Variants in GABRG3 observed in about 807,000 individuals in gnomAD.
GABRG3 encodes gamma-aminobutyric acid type A receptor subunit gamma3.
Under a neutral mutation model 48.8 loss-of-function variants are expected in GABRG3, and 25 were observed. The ratio of observed to expected loss-of-function variants is 0.51; its 90% confidence interval spans 0.37 to 0.72. The LOEUF (loss-of-function observed/expected upper bound fraction) is 0.72, where lower values mean the gene tolerates loss of function less well. Ranked by LOEUF, GABRG3 falls within the 30% of genes least tolerant of loss-of-function variation. GABRG3 has a pLI of 0.00. For missense variants in GABRG3, 394 were observed against 577.9 expected, an observed-to-expected ratio of 0.68 and a Z score of 3.26; for synonymous variants, 227 against 217.6, an observed-to-expected ratio of 1.04 and a Z score of -0.38.
intron 3 of GABRG3, among the ~76,000 whole-genome samples, chr15:27,160,292 A>T (rs561029390): frequency 6.6e-6 from 1 of 152,228 alleles, no homozygotes; most frequent in East Asian, 1.9e-4. Context: ...GGTCAGTCTG[A>T]TTGTGAGCTG....
At chr15:27,456,570 A>AGAAT in intron 5 of GABRG3, among the ~76,000 whole-genome samples, 1 of 152,224 alleles carries the variant, frequency 6.6e-6, no homozygotes, top group Non-Finnish European at 1.5e-5. Context: ...CAGTGGGTCG[A>AGAAT]GAATGCAGAG....
At chr15:27,004,483 G>A (rs981387107) in intron 2 of GABRG3, among the ~76,000 whole-genome samples, 1 of 150,366 alleles carries the variant, frequency 6.7e-6, no homozygotes, top group Non-Finnish European at 1.5e-5. Context: ...CAGGCAGAGG[G>A]GCTCCTCACA....
chr15:27,411,955 T>C (rs957710571), intron 5 of GABRG3, among the ~76,000 whole-genome samples: 3 of 152,146 alleles, frequency 2.0e-5, no homozygotes, highest in African/African-American at 7.2e-5. Flanking sequence ...CCAATGCTCT[T>C]TCTTTCTTTA....
At chr15:27,512,131 C>G (rs1427513900) in intron 6 of GABRG3, among the ~76,000 whole-genome samples, 1 of 152,072 alleles carries the variant, frequency 6.6e-6, no homozygotes, top group Non-Finnish European at 1.5e-5. Context: ...GATTTGACCC[C>G]TATTTTAAAA....
At chr15:27,399,554 C>T (rs1474131662) in intron 5 of GABRG3, among the ~76,000 whole-genome samples, 1 of 152,176 alleles carries the variant, frequency 6.6e-6, no homozygotes, top group Non-Finnish European at 1.5e-5. Context: ...TATCAAAAGG[C>T]ACAAGCTTAA....
intron 3 of GABRG3, among the ~76,000 whole-genome samples, chr15:27,129,170 CT>C (rs1383635095): frequency 6.6e-6 from 1 of 152,134 alleles, no homozygotes; most frequent in East Asian, 1.9e-4. Flanking sequence ...AAATTTTCAT[CT>C]TCTAAAACTG....
At chr15:27,040,829 G>A (rs1896264186) in intron 3 of GABRG3, among the ~76,000 whole-genome samples, 1 of 152,194 alleles carries the variant, frequency 6.6e-6, no homozygotes, top group Admixed American at 6.5e-5. Flanking sequence ...GCATTGGAAA[G>A]GAATTTACAT....
At chr15:27,111,151 A>G (rs1897541349) in intron 3 of GABRG3, among the ~76,000 whole-genome samples, 2 of 151,938 alleles carry the variant, frequency 1.3e-5, no homozygotes, top group South Asian at 4.2e-4. Context: ...ATGTTCAGTG[A>G]TTCTTTCCTC....
chr15:27,408,361 C>T (rs1029229949), intron 5 of GABRG3, among the ~76,000 whole-genome samples: 3 of 152,128 alleles, frequency 2.0e-5, no homozygotes, highest in African/African-American at 4.8e-5. Flanking sequence ...TAGTTGAGAA[C>T]ACTGTTTCCA....
chr15:27,385,750 G>A (rs1895903279), intron 5 of GABRG3, among the ~76,000 whole-genome samples: 1 of 152,078 alleles, frequency 6.6e-6, no homozygotes, highest in South Asian at 2.1e-4. Flanking sequence ...TATATTGACA[G>A]TCTCTATCTG....
rs143402992 is a variant in GABRG3, at chr15:27,535,969, A to G, written c.*3088A>G. On this transcript the variant is annotated 3_prime_UTR_variant, in exon 10 of 10. Coordinates refer to ENST00000615808, the MANE Select transcript of GABRG3 (RefSeq NM_033223.5). The stretch of plus-strand genomic sequence containing the variant: ...ACAGCTAAGCCCCAGCTTGCTTTGC[A>G]TGCAGAATTGGGAAATATTTGGGGT... 6.6e-6 allele frequency: 1 copy of G among 152,300 alleles called. No homozygotes were observed. Among genetic ancestry groups the G allele is most frequent in the Non-Finnish European group, 1.5e-5 (1 of 68,096 alleles). 9.4% of individuals were successfully genotyped at this position (152,300 alleles called of 1,614,324 possible).
intron 3 of GABRG3, among the ~76,000 whole-genome samples, chr15:27,256,160 G>A (rs763968880): frequency 6.6e-6 from 1 of 152,068 alleles, no homozygotes; most frequent in Non-Finnish European, 1.5e-5. Context: ...AAGGACAGAG[G>A]GGCCGGGTGT....
chr15:27,109,974 C>T (rs928825979), intron 3 of GABRG3, among the ~76,000 whole-genome samples: 6 of 152,118 alleles, frequency 3.9e-5, no homozygotes, highest in African/African-American at 1.4e-4. Context: ...TTTATATCCA[C>T]TTTGTCTATC....
chr15:27,343,395 A>G (rs1459246349), intron 5 of GABRG3, among the ~76,000 whole-genome samples: 2 of 152,252 alleles, frequency 1.3e-5, no homozygotes, highest in African/African-American at 4.8e-5. Context: ...GGACTGCTGC[A>G]GCCTTACTGT....
chr15:27,353,553 C>T (rs1894718650), intron 5 of GABRG3, among the ~76,000 whole-genome samples: 1 of 152,018 alleles, frequency 6.6e-6, no homozygotes, highest in Non-Finnish European at 1.5e-5. Context: ...AAGCAATTCT[C>T]CTACCTCAGC....
chr15:27,030,584 G>T (rs1449896023), intron 3 of GABRG3, among the ~76,000 whole-genome samples: 2 of 152,160 alleles, frequency 1.3e-5, no homozygotes, highest in Admixed American at 1.3e-4. Context: ...AGTGTGTGTG[G>T]TTTGTTTCCA....
At chr15:27,368,045 T>C (rs1350944377) in intron 5 of GABRG3, among the ~76,000 whole-genome samples, 1 of 152,176 alleles carries the variant, frequency 6.6e-6, no homozygotes. Flanking sequence ...CACCTCACAC[T>C]GCGGCCCCAG....
intron 3 of GABRG3, among the ~76,000 whole-genome samples, chr15:27,277,804 A>G (rs1043888011): frequency 6.6e-6 from 1 of 152,220 alleles, no homozygotes; most frequent in Non-Finnish European, 1.5e-5. Flanking sequence ...TTTAGAGGCC[A>G]TTAAAGCATT....
In GABRG3 at chr15:27,109,879, C is replaced by T. The variant is rs150968653; in HGVS notation, c.270+83058C>T. On this transcript the variant is annotated intron_variant, in intron 3 of 9. Transcript: ENST00000615808. ...CCTGGGCGACAGAGCGAGACTGTGTCTCCAGTAAATAAATAAATAAAATAA... is the reference window on the plus strand; with the variant it reads ...CCTGGGCGACAGAGCGAGACTGTGTTTCCAGTAAATAAATAAATAAAATAA... Among the ~76,000 whole-genome samples the T allele has an allele frequency of 7.2e-5, 11 of 151,894 alleles. No individual in the cohort carries two copies. In the East Asian group the frequency reaches 2.1e-3, roughly 30 times the overall value.
Sources: allele counts gnomAD v4.1 joint callset (sites outside exome capture counted in the v4.1 genomes callset), GRCh38; gene constraint gnomAD v4.1.1; transcripts MANE v1.5; gene names NCBI Gene and HGNC (gene_info 2026-07-23, HGNC 2026-07-21).